Variants in REV1 observed in about 807,000 individuals in gnomAD.
The protein encoded by REV1 is translesion synthesis protein REV1.
In REV1, 42 loss-of-function variants were observed where a neutral mutation model predicts 137.4. The ratio of observed to expected loss-of-function variants is 0.31; its 90% CI spans 0.24 to 0.40. The LOEUF is 0.40. Among genes scored for constraint, REV1 ranks in the 10% least tolerant of loss-of-function variants. The pLI, the probability that REV1 is intolerant of heterozygous loss-of-function variation, is 1.00. For missense variants in REV1, 1,282 were observed against 1,490.1 expected (o/e 0.86, Z 2.30); for synonymous variants, 524 against 519.2 (o/e 1.01, Z -0.12).
At chr2:99,414,059 T>G (rs959275386) in intron 12 of REV1, among the ~76,000 whole-genome samples, 1 of 152,128 alleles carries the variant, frequency 6.6e-6, no homozygotes, top group Middle Eastern at 3.4e-3. Context: ...GGAGGCTGAG[T>G]TGGAAAGATC....
chr2:99,440,198 C>T (rs577022400), intron 5 of REV1, among the ~76,000 whole-genome samples: 12 of 152,274 alleles, frequency 7.9e-5, no homozygotes, highest in African/African-American at 2.2e-4. Context: ...CTCCTCTAGA[C>T]GTTTGTTTAG....
Position 99,402,678 on chromosome 2 carries a change from C to A in REV1, c.3507G>T (p.Lys1169Asn). 1 of 1,614,154 alleles carries A rather than the reference C, an allele frequency of 6.2e-7. No individual in the cohort carries two copies. Among genetic ancestry groups the A allele is most frequent in the South Asian group, 1.1e-5 (1 of 91,076 alleles). ...TAGTTATCCATTCTCTGAGCAAGGT[C>A]TTCACATCATTGAATTCAACAGCTC... ...LAGAVEFNDV[K>N]TLLREWITTI... Residue 1169 changes from lysine to asparagine, a missense_variant, in exon 21 of 23, where the codon AAG becomes AAT. Coordinates refer to ENST00000258428, the MANE Select transcript of REV1 (RefSeq NM_016316.4).
At chr2:99,402,500 A>G (rs1675611314) in intron 21 of REV1, 144 bp downstream of exon 21, 4 of 904,060 alleles carry the variant, frequency 4.4e-6, no homozygotes, top group Non-Finnish European at 6.8e-6. Flanking sequence ...AAGTCCCAGA[A>G]TTTAAAAGAT....
Position 99,438,669 on chromosome 2 carries a change from A to G in REV1, c.1145T>C (p.Ile382Thr). 6.2e-7 allele frequency: 1 copy of G among 1,614,186 alleles called. No homozygotes were observed. Among genetic ancestry groups the G allele is most frequent in the South Asian group, 1.1e-5 (1 of 91,080 alleles). Reference protein sequence around the residue: ...VNTLQRQSNGIFPGREKLKKM... With the variant: ...VNTLQRQSNGTFPGREKLKKM... Reference sequence around the variant, plus strand: ...TTTTAACTTTTCCCTTCCTGGAAAGATACCATTACTTTGTCTTTGTAGGGT... The same window carrying G: ...TTTTAACTTTTCCCTTCCTGGAAAGGTACCATTACTTTGTCTTTGTAGGGT... Residue 382 changes from isoleucine (I) to threonine (T), a missense_variant, in exon 6 of 23, where the codon ATC becomes ACC. Transcript: ENST00000258428.
intron 3 of REV1, among the ~76,000 whole-genome samples, chr2:99,460,158 C>T (rs536107131): frequency 1.2e-4 from 19 of 152,180 alleles, no homozygotes; most frequent in Non-Finnish European, 2.4e-4. Flanking sequence ...CTCACTTCAA[C>T]CTCCGCCTCC....
chr2:99,480,127 T>C (rs1268468719), intron 1 of REV1, among the ~76,000 whole-genome samples: 1 of 152,150 alleles, frequency 6.6e-6, no homozygotes, highest in Non-Finnish European at 1.5e-5. Flanking sequence ...GAGATCAGCC[T>C]GGGCAATGAA....
intron 3 of REV1, among the ~76,000 whole-genome samples, chr2:99,459,200 T>A (rs1405169012): frequency 1.8e-5 from 2 of 114,102 alleles, no homozygotes; most frequent in African/African-American, 3.8e-5. Flanking sequence ...AGAGTGAGAC[T>A]CTGTCTCAAA....
chr2:99,409,325 A>C (rs888121903), intron 14 of REV1, among the ~76,000 whole-genome samples: 1 of 152,238 alleles, frequency 6.6e-6, no homozygotes, highest in Non-Finnish European at 1.5e-5. Flanking sequence ...CGACTTAGCA[A>C]TATCATCATA....
rs1675288450 is a variant in REV1 at position 99,400,914 on chromosome 2, T to G, written c.*327A>C. 1 of 164,256 alleles carries G rather than the reference T, an allele frequency of 6.1e-6. No individual in the cohort carries two copies. Among genetic ancestry groups the G allele is most frequent in the Non-Finnish European group, 1.3e-5 (1 of 75,712 alleles). 10.2% of individuals were successfully genotyped at this position (164,256 alleles called of 1,614,324 possible). On this transcript the variant is annotated 3_prime_UTR_variant, in exon 23 of 23. Coordinates refer to ENST00000258428, the MANE Select transcript of REV1 (RefSeq NM_016316.4). ...CAGTAGTTGCTTCCTAGAGTTGAGTTTTTAAGGATTCACAAAAAGGAGCCT... is the reference window on the plus strand; with the variant it reads ...CAGTAGTTGCTTCCTAGAGTTGAGTGTTTAAGGATTCACAAAAAGGAGCCT...
At chr2:99,404,053 C>G (rs1269803253) in intron 18 of REV1, among the ~76,000 whole-genome samples, 6 of 152,158 alleles carry the variant, frequency 3.9e-5, no homozygotes, top group African/African-American at 1.4e-4. Flanking sequence ...ACTACAACAG[C>G]AGAACCTGGG....
intron 3 of REV1, among the ~76,000 whole-genome samples, chr2:99,453,180 G>A (rs1194832804): frequency 1.3e-5 from 2 of 152,062 alleles, no homozygotes; most frequent in Non-Finnish European, 2.9e-5. Context: ...CCAACATGGT[G>A]AAACCCCGTC....
chr2:99,400,826 T>G lies in REV1; in HGVS notation c.*415A>C, dbSNP rs1388501589. ...ACAAGTAGAATCCCGGTCTGAGACC[T>G]CTCAGGAATTTCAGAGCTTAGCAGT... On this transcript the variant is annotated 3_prime_UTR_variant, in exon 23 of 23. Coordinates refer to ENST00000258428, the MANE Select transcript of REV1 (RefSeq NM_016316.4). 1.9e-5 allele frequency: 3 copies of G among 154,054 alleles called. No individual in the cohort carries two copies. The highest frequency in any genetic ancestry group is 7.3e-5 in the African/African-American group (3 of 41,370). 9.5% of individuals were successfully genotyped at this position (154,054 alleles called of 1,614,324 possible). A position where few individuals can be genotyped will look rare whatever the true frequency, so the allele number is the denominator to read the frequency against.
intron 1 of REV1, among the ~76,000 whole-genome samples, chr2:99,466,432 G>C (rs563593159): frequency 1.3e-5 from 2 of 151,704 alleles, no homozygotes; most frequent in South Asian, 4.2e-4. Flanking sequence ...AGTAGAGATG[G>C]GGTTTCACCA....
Position 99,400,576 on chromosome 2 carries a change from A to AAAG in REV1, c.*662_*664dup, listed in dbSNP as rs1675236637. 1 of 152,184 alleles carries AAAG rather than the reference A, an allele frequency of 6.6e-6. No homozygotes were observed. Among genetic ancestry groups the AAAG allele is most frequent in the African/African-American group, 2.4e-5 (1 of 41,446 alleles). The allele number at this position is 152,184 out of a possible 1,614,324, so 9.4% of individuals were successfully genotyped here. ...ATCTATACCGTTCTTTTTTATCATC[A>AAAG]AAGTTTCTCAATGGCCAGTAGAAGC... On this transcript the variant is annotated 3_prime_UTR_variant, in exon 23 of 23. Transcript: ENST00000258428.
In REV1 at chr2:99,486,018, G is replaced by A. The variant is rs113350220; in HGVS notation, c.-11+3799C>T. On this transcript the variant is annotated intron_variant, in intron 1 of 22. Transcript: ENST00000258428. ...CACATGCCTGTAGTGCAGGCTACTC[G>A]AGCGCCTGAGGCGGGAGGCTGGCTT... Among the ~76,000 whole-genome samples the A allele has an allele frequency of 2.3e-3, 357 of 152,294 alleles. 1 individual carries two copies. The highest frequency in any genetic ancestry group is 7.2e-3 in the African/African-American group (299 of 41,560).
intron 2 of REV1, among the ~76,000 whole-genome samples, chr2:99,464,056 A>G (rs532442956): frequency 9.2e-5 from 14 of 152,388 alleles, no homozygotes; most frequent in African/African-American, 2.9e-4. Flanking sequence ...AATACAATGA[A>G]TGCTCCAGTG....
At chr2:99,431,460 T>A (rs1303871366) in intron 8 of REV1, among the ~76,000 whole-genome samples, 1 of 152,174 alleles carries the variant, frequency 6.6e-6, no homozygotes, top group Non-Finnish European at 1.5e-5. Context: ...ACTGTCAGTA[T>A]CACACTTCAA....
In REV1 at chr2:99,411,085, C is replaced by T. The variant is rs534497976; in HGVS notation, c.2173-218G>A. Among the ~76,000 whole-genome samples, 3 of 152,198 alleles carry T rather than the reference C, an allele frequency of 2.0e-5. No homozygotes were observed. In the South Asian group the frequency reaches 6.2e-4, roughly 32 times the overall value. ...GTGGATTCGTCTGAGGTCAGGAGTT[C>T]GAGACCAGCCTGGCCAACGTGGTGA... On this transcript the variant is annotated intron_variant, in intron 13 of 22. Coordinates refer to ENST00000258428, the MANE Select transcript of REV1 (RefSeq NM_016316.4).
At chr2:99,430,768 T>C (rs778455488) in intron 8 of REV1, among the ~76,000 whole-genome samples, 6 of 152,170 alleles carry the variant, frequency 3.9e-5, no homozygotes, top group Non-Finnish European at 5.9e-5. Flanking sequence ...CACCTTTAGC[T>C]TCACTAGTAA....
Sources: gnomAD v4.1 joint callset for allele counts (sites outside exome capture counted in the v4.1 genomes callset) on GRCh38, gnomAD v4.1.1 for gene constraint, MANE v1.5 for transcripts, NCBI Gene and HGNC (gene_info 2026-07-23, HGNC 2026-07-21) for gene names.